Variants in MTMR1 observed in about 807,000 individuals in gnomAD.
MTMR1 encodes myotubularin related protein 1.
Under a neutral mutation model 51.6 loss-of-function variants are expected in MTMR1, and 17 were observed. The observed-to-expected ratio is 0.33, with a 90% CI of 0.23 to 0.49. The LOEUF (loss-of-function observed/expected upper bound fraction) is 0.49, where lower values mean the gene tolerates loss of function less well. Ranked by LOEUF, MTMR1 falls within the 20% of genes least tolerant of loss-of-function variation. MTMR1 has a pLI of 0.99. For synonymous variants in MTMR1, 201 were observed against 205.6 expected, an observed-to-expected ratio of 0.98 and a Z score of 0.19; for missense variants, 386 against 526.9, an observed-to-expected ratio of 0.73 and a Z score of 2.62.
chrX:150,744,548 G>A (rs922664160), intron 13 of MTMR1, 95 bp downstream of exon 13: 11 of 694,366 alleles, frequency 1.6e-5, no homozygotes, highest in Non-Finnish European at 2.2e-5. Flanking sequence ...ATGAATTTGT[G>A]TAAAATATGA....
chrX:150,751,490 C>T (rs1463802686), intron 14 of MTMR1, among the ~76,000 whole-genome samples: 1 of 111,025 alleles, frequency 9.0e-6, no homozygotes, highest in East Asian at 2.8e-4. Context: ...TCAGTAACGC[C>T]CGCCTCCCCC....
At chrX:150,747,355 T>C (rs2042603045) in intron 13 of MTMR1, among the ~76,000 whole-genome samples, 1 of 111,002 alleles carries the variant, frequency 9.0e-6, no homozygotes, top group Admixed American at 9.6e-5. Flanking sequence ...CTCGGGCGGC[T>C]GAGGCAGGAG....
chrX:150,761,010 C>T (rs1365922378), intron 15 of MTMR1, among the ~76,000 whole-genome samples: 7 of 110,233 alleles, frequency 6.4e-5, no homozygotes, highest in African/African-American at 2.3e-4. Flanking sequence ...GATAGTGGTG[C>T]GTTTGAGCAG....
chrX:150,751,267 A>C, intron 14 of MTMR1: 1 of 728,082 alleles, frequency 1.4e-6, no homozygotes, highest in Non-Finnish European at 1.7e-6. Context: ...TTTTTACATC[A>C]AAGTAGTAAA....
chrX:150,727,165 G>A, intron 4 of MTMR1, 50 bp from the exon 5 acceptor site: 1 of 834,615 alleles, frequency 1.2e-6, no homozygotes, highest in Non-Finnish European at 1.7e-6. Flanking sequence ...TAAGTTTTAT[G>A]GAAGCACAAG....
chrX:150,751,690 CT>C (rs1446462352), intron 14 of MTMR1, among the ~76,000 whole-genome samples: 4 of 110,561 alleles, frequency 3.6e-5, no homozygotes, highest in Non-Finnish European at 7.6e-5. Context: ...CTTGTTCCGT[CT>C]TTCTAAGTGA....
chrX:150,722,257 A>G (rs547666258), intron 4 of MTMR1, among the ~76,000 whole-genome samples: 5 of 111,904 alleles, frequency 4.5e-5, no homozygotes, highest in African/African-American at 1.6e-4. Context: ...TGTCAATTAG[A>G]TTTTGTCGAT....
Position 150,730,510 on chromosome X carries a change from G to T in MTMR1, c.658-15G>T. 1 of 1,106,357 alleles carries T rather than the reference G, an allele frequency of 9.0e-7. No individual in the cohort carries two copies. The highest frequency in any genetic ancestry group is 1.2e-6 in the Non-Finnish European group (1 of 821,860). The allele number at this position is 1,106,357 out of a possible 1,213,427, so 91.2% of individuals were successfully genotyped here. On this transcript the variant is annotated splice_polypyrimidine_tract_variant and intron_variant, in intron 7 of 15. Transcript: ENST00000445323. Reference sequence around the variant, plus strand: ...AGAAATAGTAACATATGTGTTTTGTGGTTTTTGTGTCCAGGCACTATTTGC... The same window carrying T: ...AGAAATAGTAACATATGTGTTTTGTTGTTTTTGTGTCCAGGCACTATTTGC...
At chrX:150,701,709 G>A (rs1040725087) in intron 2 of MTMR1, among the ~76,000 whole-genome samples, 7 of 111,816 alleles carry the variant, frequency 6.3e-5, no homozygotes, top group Non-Finnish European at 9.4e-5. Flanking sequence ...AGTGAATCTG[G>A]GTGTGGTGGT....
chrX:150,747,890 C>A (rs2042620467), intron 13 of MTMR1, among the ~76,000 whole-genome samples: 1 of 111,809 alleles, frequency 8.9e-6, no homozygotes, highest in Non-Finnish European at 1.9e-5. Context: ...AATGAAGACT[C>A]ATTGTCATAG....
At position 150,736,845 on chromosome X, in the gene MTMR1, C is replaced by T. The variant is rs937362725; in HGVS notation, c.1266+65C>T. 6 of 1,016,941 alleles carry T rather than the reference C, an allele frequency of 5.9e-6. No homozygotes were observed. The Middle Eastern group carries it at 1.0e-3, about 172-fold the overall frequency. The allele number at this position is 1,016,941 out of a possible 1,213,427, so 83.8% of individuals were successfully genotyped here. A position where few individuals can be genotyped will look rare whatever the true frequency, so the allele number is the denominator to read the frequency against. On this transcript the variant is annotated intron_variant, in intron 11 of 15. Coordinates refer to ENST00000445323, the MANE Select transcript of MTMR1 (RefSeq NM_001306144.3). ...CTTCTTTGTGCCTGTGCCATAAATA[C>T]GTATATCTCCAAGTGCCTCTTGGCT... is the stretch of plus-strand genomic sequence containing the variant.
intron 4 of MTMR1, 24 bp from the exon 5 acceptor site, chrX:150,727,191 G>A (rs782280398): frequency 9.4e-7 from 1 of 1,064,764 alleles, no homozygotes; most frequent in South Asian, 2.0e-5. Flanking sequence ...GGCAGTAGTT[G>A]CTACTTTGGC....
At chrX:150,732,832 G>A (rs1418136336) in intron 10 of MTMR1, 102 bp downstream of exon 10, 5 of 838,958 alleles carry the variant, frequency 6.0e-6, no homozygotes, top group Admixed American at 3.4e-5. Flanking sequence ...ACCACCTGAA[G>A]TTAGAATCAT....
intron 4 of MTMR1, among the ~76,000 whole-genome samples, chrX:150,726,569 T>C (rs1557416775): frequency 8.9e-6 from 1 of 112,314 alleles, no homozygotes; most frequent in Admixed American, 9.4e-5. Flanking sequence ...CTTGGACTCA[T>C]ATATAGCTAT....
At chrX:150,706,208 C>T (rs1036583407) in intron 2 of MTMR1, among the ~76,000 whole-genome samples, 15 of 110,880 alleles carry the variant, frequency 1.4e-4, no homozygotes, top group African/African-American at 4.3e-4. Flanking sequence ...GAAGCCCTAC[C>T]CTGATGACCA....
At chrX:150,750,137 T>A (rs1156807579) in intron 13 of MTMR1, among the ~76,000 whole-genome samples, 2 of 108,633 alleles carry the variant, frequency 1.8e-5, no homozygotes, top group African/African-American at 3.5e-5. Flanking sequence ...AAAAAAAAAA[T>A]TCAGGGGTGT....
At chrX:150,695,296 G>A (rs2040632465) in intron 1 of MTMR1, among the ~76,000 whole-genome samples, 1 of 112,149 alleles carries the variant, frequency 8.9e-6, no homozygotes, top group Non-Finnish European at 1.9e-5. Context: ...GGGACTTTGT[G>A]CAGAGGAGTG....
At chrX:150,721,926 T>C (rs1557416588) in intron 4 of MTMR1, among the ~76,000 whole-genome samples, 1 of 111,892 alleles carries the variant, frequency 8.9e-6, no homozygotes, top group African/African-American at 3.2e-5. Flanking sequence ...CAGCATTTCA[T>C]CAATTATGAC....
At chrX:150,698,674 G>GCA (rs1264680068) in intron 1 of MTMR1, among the ~76,000 whole-genome samples, 1,046 of 61,100 alleles carry the variant, frequency 0.017, 9 homozygotes, top group Middle Eastern at 0.045. Context: ...CTGTCTACAC[G>GCA]CGCGCGCACA....
Sources: allele counts gnomAD v4.1 joint callset (sites outside exome capture counted in the v4.1 genomes callset), GRCh38; gene constraint gnomAD v4.1.1; transcripts MANE v1.5; gene names NCBI Gene and HGNC (gene_info 2026-07-23, HGNC 2026-07-21).